The following PABIR3 variants were observed in gnomAD, a reference collection of about 807,000 sequenced individuals.
The protein encoded by PABIR3 is PABIR family member 1.
PABIR3 carries 20 observed loss-of-function variants against 23.1 expected under a neutral mutation model. The ratio of observed to expected loss-of-function variants is 0.86; its 90% CI spans 0.61 to 1.26. The LOEUF (loss-of-function observed/expected upper bound fraction) is 1.26, where lower values mean the gene tolerates loss of function less well. Among genes scored for constraint, PABIR3 ranks in the 50% most tolerant of loss-of-function variants. PABIR3 has a pLI of 0.00. For synonymous variants in PABIR3, 69 were observed against 68.5 expected (o/e 1.01, Z -0.04); for missense variants, 189 against 195.4 (o/e 0.97, Z 0.20).
chrX:134,863,873 G>A, the PABIR3 span, among the ~76,000 whole-genome samples: 1 of 111,006 alleles, frequency 9.0e-6, no homozygotes, highest in African/African-American at 3.3e-5. Flanking sequence ...TGAGCCCAAC[G>A]ACTTCCACCA....
intron 1 of PABIR3, chrX:134,797,221 G>A (rs1265675010): frequency 8.8e-6 from 1 of 113,740 alleles, no homozygotes; most frequent in Non-Finnish European, 1.9e-5. Flanking sequence ...CGCGTCCAGC[G>A]GCCACTCCAA....
chrX:134,848,250 C>T (rs893214685), intron 8 of PABIR3, among the ~76,000 whole-genome samples: 9 of 109,967 alleles, frequency 8.2e-5, no homozygotes, highest in Non-Finnish European at 1.5e-4. Context: ...AATAGCCGGG[C>T]ATGGTGGTGC....
Position 134,854,467 on chromosome X carries a change from G to A in PABIR3, c.*250G>A, listed in dbSNP as rs2082733060. 3.8e-6 allele frequency: 1 copy of A among 266,189 alleles called. No individual in the cohort carries two copies. The highest frequency in any genetic ancestry group is 2.8e-5 in the African/African-American group (1 of 35,854). The allele number at this position is 266,189 out of a possible 1,213,427, so 21.9% of individuals were successfully genotyped here. A position where few individuals can be genotyped will look rare whatever the true frequency, so the allele number is the denominator to read the frequency against. ...AAGATGTTTTCCAAATCAGAACCAT[G>A]TTGAAGATACAAGCGTAAATTGTTA... On this transcript the variant is annotated 3_prime_UTR_variant, in exon 11 of 11. Transcript: ENST00000645433.
chrX:134,849,869 C>CT (rs374919785), intron 9 of PABIR3, among the ~76,000 whole-genome samples: 4 of 58,854 alleles, frequency 6.8e-5, no homozygotes, highest in Non-Finnish European at 8.1e-5. Context: ...GCTCTTCTTC[C>CT]TTTTTTTTTT....
At chrX:134,860,863 T>C in the PABIR3 span, among the ~76,000 whole-genome samples, 2 of 112,009 alleles carry the variant, frequency 1.8e-5, no homozygotes, top group East Asian at 5.6e-4. Flanking sequence ...TTCACTTATA[T>C]GAAATATTTA....
At chrX:134,809,919 A>G in intron 2 of PABIR3, 2 of 754,103 alleles carry the variant, frequency 2.7e-6, no homozygotes, top group Non-Finnish European at 1.6e-6. Context: ...AAAAAAATAC[A>G]TTACCTTTTT....
intron 4 of PABIR3, among the ~76,000 whole-genome samples, chrX:134,840,773 C>G (rs1342643297): frequency 9.0e-6 from 1 of 110,655 alleles, no homozygotes; most frequent in African/African-American, 3.3e-5. Flanking sequence ...TGTTTTCTCT[C>G]TCATTACTTT....
At chrX:134,800,418 G>A (rs913322634) in intron 1 of PABIR3, among the ~76,000 whole-genome samples, 5 of 110,395 alleles carry the variant, frequency 4.5e-5, no homozygotes, top group Non-Finnish European at 9.5e-5. Flanking sequence ...GAGAGATCAC[G>A]CCACTGCACT....
chrX:134,856,194 T>TA (rs1188213709), downstream of PABIR3, among the ~76,000 whole-genome samples: 1 of 108,422 alleles, frequency 9.2e-6, no homozygotes, highest in Non-Finnish European at 1.9e-5. Flanking sequence ...AGTTATTTTT[T>TA]TTTTTTTTTT....
chrX:134,815,389 T>C (rs1223623785), intron 3 of PABIR3, among the ~76,000 whole-genome samples: 6 of 112,205 alleles, frequency 5.3e-5, no homozygotes, highest in African/African-American at 6.5e-5. Context: ...AATATACTTG[T>C]AGATCAGTAA....
At chrX:134,856,821 G>A (rs1390579982), downstream of PABIR3, among the ~76,000 whole-genome samples, 2 of 110,242 alleles carry the variant, frequency 1.8e-5, no homozygotes, top group African/African-American at 6.6e-5. Context: ...GACCAGCCTG[G>A]CCAACATGGC....
At chrX:134,857,601 A>T (rs1184722876), downstream of PABIR3, among the ~76,000 whole-genome samples, 1 of 111,518 alleles carries the variant, frequency 9.0e-6, no homozygotes, top group African/African-American at 3.3e-5. Flanking sequence ...TTAGTTTTTT[A>T]AAATTGTCTC....
At chrX:134,864,374 A>G in the PABIR3 span, among the ~76,000 whole-genome samples, 1 of 111,497 alleles carries the variant, frequency 9.0e-6, no homozygotes, top group Non-Finnish European at 1.9e-5. Context: ...TACGTAGTAC[A>G]AATTGCAGCC....
At chrX:134,826,330 CT>C (rs1359349236) in intron 3 of PABIR3, among the ~76,000 whole-genome samples, 1 of 111,339 alleles carries the variant, frequency 9.0e-6, no homozygotes, top group African/African-American at 3.3e-5. Flanking sequence ...GAAATACCAC[CT>C]TATGCCTTTC....
chrX:134,821,265 A>G, intron 3 of PABIR3: 2 of 982,516 alleles, frequency 2.0e-6, no homozygotes, highest in South Asian at 5.3e-5. Flanking sequence ...AAAAAAAAAA[A>G]AACTGTTCCC....
At chrX:134,829,682 CA>C (rs1427061971) in intron 4 of PABIR3, among the ~76,000 whole-genome samples, 2 of 111,278 alleles carry the variant, frequency 1.8e-5, no homozygotes, top group Non-Finnish European at 3.8e-5. Flanking sequence ...GATCTGAGTT[CA>C]GGGACACATT....
At chrX:134,805,273 G>A (rs922638482), upstream of PABIR3, among the ~76,000 whole-genome samples, 1 of 111,540 alleles carries the variant, frequency 9.0e-6, no homozygotes, top group African/African-American at 3.3e-5. Flanking sequence ...AAGAATTATT[G>A]TAAACTTTAA....
intron 3 of PABIR3, chrX:134,822,426 C>T: frequency 1.3e-6 from 1 of 751,621 alleles, no homozygotes; most frequent in African/African-American, 2.3e-5. Flanking sequence ...ACATTTTGTC[C>T]AATTAAAAAA....
At position 134,807,316 on chromosome X, in the gene PABIR3, T is replaced by A; in HGVS notation, c.-85T>A. On this transcript the variant is annotated 5_prime_UTR_variant, in exon 1 of 11. Transcript: ENST00000645433. ...GATTCGCGGCGGTGACAGATTAAATTCCCCAGTTACATTATAGACTTGGAG... is the reference window on the plus strand; with the variant it reads ...GATTCGCGGCGGTGACAGATTAAATACCCCAGTTACATTATAGACTTGGAG... The A allele has an allele frequency of 8.5e-6, 8 of 941,541 alleles. No individual in the cohort carries two copies. Among genetic ancestry groups the A allele is most frequent in the Non-Finnish European group, 1.1e-5 (8 of 757,910 alleles). 77.6% of individuals were successfully genotyped at this position (941,541 alleles called of 1,213,427 possible). A position where few individuals can be genotyped will look rare whatever the true frequency, so the allele number is the denominator to read the frequency against.
Sources: allele counts gnomAD v4.1 joint callset (sites outside exome capture counted in the v4.1 genomes callset), GRCh38; gene constraint gnomAD v4.1.1; transcripts MANE v1.5; gene names NCBI Gene and HGNC (gene_info 2026-07-23, HGNC 2026-07-21).